The following LIN54 variants were observed in gnomAD, a reference collection of about 807,000 sequenced individuals.
LIN54 encodes the protein protein lin-54 homolog.
In LIN54, 9 loss-of-function variants were observed where a neutral mutation model predicts 78.7. The observed-to-expected ratio is 0.11, with a 90% CI of 0.07 to 0.20. The LOEUF (loss-of-function observed/expected upper bound fraction) is 0.20. Ranked by LOEUF, LIN54 falls within the 10% of genes least tolerant of loss-of-function variation. LIN54 has a pLI of 1.00. For missense variants in LIN54, 573 were observed against 889.9 expected (o/e 0.64, Z 4.53); for synonymous variants, 269 against 318.4 (o/e 0.84, Z 1.65).
At chr4:83,001,289 T>C (rs1728742272) in intron 1 of LIN54, among the ~76,000 whole-genome samples, 1 of 152,152 alleles carries the variant, frequency 6.6e-6, no homozygotes, top group Non-Finnish European at 1.5e-5. Flanking sequence ...CACTGGCTCA[T>C]GACTGTAATC....
intron 1 of LIN54, among the ~76,000 whole-genome samples, chr4:82,993,467 C>T (rs961942523): frequency 1.5e-4 from 23 of 152,004 alleles, no homozygotes; most frequent in African/African-American, 4.6e-4. Flanking sequence ...ATCCGCCTGC[C>T]TCGGCCTCCC....
chr4:82,993,378 G>A (rs1322516737), intron 1 of LIN54, among the ~76,000 whole-genome samples: 2 of 151,144 alleles, frequency 1.3e-5, no homozygotes, highest in Admixed American at 6.6e-5. Flanking sequence ...CACCACCCCT[G>A]GCTAATTTTT....
At chr4:82,942,838 A>G (rs1310988526) in intron 5 of LIN54, among the ~76,000 whole-genome samples, 1 of 151,046 alleles carries the variant, frequency 6.6e-6, no homozygotes, top group East Asian at 2.0e-4. Flanking sequence ...ATACACATGC[A>G]CAAATGTGTG....
At chr4:82,930,877 C>G in intron 12 of LIN54, 66 bp downstream of exon 12, 1 of 1,450,908 alleles carries the variant, frequency 6.9e-7, no homozygotes, top group African/African-American at 1.4e-5. Flanking sequence ...CAACTTTGCC[C>G]CCTGAAAAGA....
At chr4:82,994,492 G>A (rs1037205721) in intron 1 of LIN54, among the ~76,000 whole-genome samples, 1 of 151,692 alleles carries the variant, frequency 6.6e-6, no homozygotes, top group Non-Finnish European at 1.5e-5. Context: ...CCACCTCCCC[G>A]GTTCAAGCAA....
At chr4:82,965,373 CCAA>C (rs1193909430) in intron 4 of LIN54, among the ~76,000 whole-genome samples, 5 of 152,076 alleles carry the variant, frequency 3.3e-5, no homozygotes, top group Non-Finnish European at 7.4e-5. Flanking sequence ...GCTTGATTTC[CCAA>C]CAACAAACCT....
rs1468378327 is a variant in LIN54, at chr4:82,939,542, A to G, written c.1437T>C (p.Thr479=). The change falls in exon 7 of 13, where the codon ACT becomes ACC. Residue 479 remains threonine (T), a synonymous_variant. Transcript: ENST00000340417. ...TGACTTCATTTTTTCCACATACCTG[A>G]GTAACATACTGAGCTGGAAGCACTG... The part of the protein sequence containing the change: ...GYAVLPAQYV[T]QLQQSSYVSI... The G allele has an allele frequency of 1.7e-5, 27 of 1,613,570 alleles. No homozygotes were observed. The highest frequency in any genetic ancestry group is 2.3e-5 in the Non-Finnish European group (27 of 1,179,450).
chr4:82,993,771 C>T (rs890625424), intron 1 of LIN54, among the ~76,000 whole-genome samples: 9 of 152,046 alleles, frequency 5.9e-5, no homozygotes, highest in African/African-American at 2.2e-4. Context: ...GCGCATGCCA[C>T]CATGCCGGCT....
intron 1 of LIN54, among the ~76,000 whole-genome samples, chr4:82,987,911 G>A (rs1727316998): frequency 6.6e-6 from 1 of 152,198 alleles, no homozygotes; most frequent in South Asian, 2.1e-4. Context: ...TGGGACTGAT[G>A]GGCCAAATGG....
chr4:82,931,456 T>C (rs1400547618), intron 11 of LIN54, among the ~76,000 whole-genome samples: 1 of 152,184 alleles, frequency 6.6e-6, no homozygotes, highest in Non-Finnish European at 1.5e-5. Context: ...TATCCTAAAA[T>C]ATCAAAAATA....
At chr4:82,931,252 T>C in intron 11 of LIN54, 107 bp from the exon 12 acceptor site, 1 of 777,938 alleles carries the variant, frequency 1.3e-6, no homozygotes, top group Non-Finnish European at 2.1e-6. Flanking sequence ...GGTCAACTGA[T>C]AATAAGATTA....
chr4:82,974,758 T>G (rs1349515154), intron 3 of LIN54, among the ~76,000 whole-genome samples: 1 of 149,334 alleles, frequency 6.7e-6, no homozygotes, highest in African/African-American at 2.5e-5. Context: ...ACTTGGGAGG[T>G]TGAGGCAGGA....
chr4:82,942,856 GCGCGCACACACA>G (rs70943172), intron 5 of LIN54, among the ~76,000 whole-genome samples: 70,394 of 146,686 alleles, frequency 0.48, 18,568 homozygotes, highest in African/African-American at 0.69. Context: ...GTGCGTGTGC[GCGCGCACACACA>G]CACACACACA....
At chr4:82,989,308 A>G (rs1431811154) in intron 1 of LIN54, among the ~76,000 whole-genome samples, 3 of 152,310 alleles carry the variant, frequency 2.0e-5, no homozygotes, top group East Asian at 1.9e-4. Context: ...TTGGGACACC[A>G]AAGTACTAGC....
At chr4:82,934,187 A>G (rs992123663) in intron 11 of LIN54, among the ~76,000 whole-genome samples, 1 of 152,230 alleles carries the variant, frequency 6.6e-6, no homozygotes, top group East Asian at 1.9e-4. Context: ...TGGGCGGATC[A>G]CTTGAGTTTG....
At chr4:82,982,332 G>A (rs978512787) in intron 2 of LIN54, among the ~76,000 whole-genome samples, 1 of 152,076 alleles carries the variant, frequency 6.6e-6, no homozygotes, top group Non-Finnish European at 1.5e-5. Context: ...CGGCTCAAGC[G>A]ACCCTCTCAC....
At chr4:82,976,834 G>A (rs1279274064) in intron 3 of LIN54, among the ~76,000 whole-genome samples, 1 of 152,204 alleles carries the variant, frequency 6.6e-6, no homozygotes, top group Non-Finnish European at 1.5e-5. Context: ...TTTAGCATAT[G>A]TGAATTTTTA....
At chr4:83,001,708 C>T (rs866261583) in intron 1 of LIN54, among the ~76,000 whole-genome samples, 67 of 148,404 alleles carry the variant, frequency 4.5e-4, no homozygotes, top group African/African-American at 1.1e-3. Context: ...ATTAGCTGGG[C>T]GTGGTGGCGG....
intron 8 of LIN54, 70 bp from the exon 9 acceptor site, chr4:82,937,368 A>T (rs1722472747): frequency 2.0e-6 from 2 of 982,838 alleles, no homozygotes; most frequent in African/African-American, 1.7e-5. Flanking sequence ...AGTTGCTACA[A>T]CTAATTTAAA....
Sources: gnomAD v4.1 joint callset for allele counts (sites outside exome capture counted in the v4.1 genomes callset) on GRCh38, gnomAD v4.1.1 for gene constraint, MANE v1.5 for transcripts, NCBI Gene and HGNC (gene_info 2026-07-23, HGNC 2026-07-21) for gene names.